SEMA5B: variants seen among roughly 807,000 people sequenced by gnomAD.
SEMA5B encodes semaphorin 5B, also known as semaphorin-5B.
Under a neutral mutation model 135.0 loss-of-function variants are expected in SEMA5B, and 66 were observed. That is an observed-to-expected ratio of 0.49 (90% confidence interval 0.40 to 0.60). SEMA5B has a LOEUF of 0.60. Among genes scored for constraint, SEMA5B ranks in the 20% least tolerant of loss-of-function variants. The probability of loss-of-function intolerance (pLI) is 0.00; values close to 1 mark genes in which losing one functional copy is unlikely to be tolerated. For synonymous variants in SEMA5B, 690 were observed against 639.5 expected (o/e 1.08, Z -1.19); for missense variants, 1,501 against 1,566.3 (o/e 0.96, Z 0.70).
At chr3:122,916,279 C>T (rs1368468943) in intron 12 of SEMA5B, among the ~76,000 whole-genome samples, 1 of 152,124 alleles carries the variant, frequency 6.6e-6, no homozygotes, top group African/African-American at 2.4e-5. Context: ...TAACAGGAAC[C>T]CAAAGAGGAA....
At chr3:122,978,381 C>G (rs979860634) in intron 1 of SEMA5B, among the ~76,000 whole-genome samples, 2 of 152,184 alleles carry the variant, frequency 1.3e-5, no homozygotes, top group Admixed American at 6.5e-5. Context: ...GCTGGGGAGG[C>G]GGGGCGTAGG....
chr3:122,942,742 C>G (rs1457954723), intron 4 of SEMA5B, among the ~76,000 whole-genome samples: 1 of 152,160 alleles, frequency 6.6e-6, no homozygotes, highest in African/African-American at 2.4e-5. Flanking sequence ...GTTTCTGACT[C>G]AAGAGGTCTG....
intron 1 of SEMA5B, among the ~76,000 whole-genome samples, chr3:122,966,554 A>ATTTTTTTTTTTTTTTTTTT (rs1335935235): frequency 2.7e-5 from 4 of 147,072 alleles, no homozygotes; most frequent in African/African-American, 1.0e-4. Context: ...TATTATTATT[A>ATTTTTTTTTTTTTTTTTTT]TTATTATTAT....
At chr3:122,915,084 G>A (rs1937995702) in intron 14 of SEMA5B, among the ~76,000 whole-genome samples, 1 of 152,156 alleles carries the variant, frequency 6.6e-6, no homozygotes, top group African/African-American at 2.4e-5. Context: ...CCAGACAGTG[G>A]CAATCCGGAA....
upstream of SEMA5B, chr3:123,028,427 C>A (rs1324739179): frequency 6.6e-6 from 1 of 152,294 alleles, no homozygotes; most frequent in Non-Finnish European, 1.5e-5. Flanking sequence ...CAGCTGTAAA[C>A]TGGGGTTAGT....
intron 1 of SEMA5B, among the ~76,000 whole-genome samples, chr3:122,962,750 GT>G (rs1390421518): frequency 1.3e-5 from 2 of 152,208 alleles, no homozygotes; most frequent in African/African-American, 4.8e-5. Context: ...CTTGCTTTCT[GT>G]GCTGGTGGTG....
intron 1 of SEMA5B, among the ~76,000 whole-genome samples, chr3:122,968,816 G>A (rs1268993513): frequency 6.8e-6 from 1 of 147,620 alleles, no homozygotes; most frequent in Non-Finnish European, 1.5e-5. Context: ...TCTGCCACAT[G>A]AGCCAACATT....
chr3:122,945,624 A>C (rs1446038122), intron 3 of SEMA5B, among the ~76,000 whole-genome samples: 3 of 152,108 alleles, frequency 2.0e-5, no homozygotes, highest in Non-Finnish European at 4.4e-5. Flanking sequence ...GGTGCTCCCT[A>C]ACAGCAGCAA....
intron 9 of SEMA5B, among the ~76,000 whole-genome samples, chr3:122,925,402 C>T (rs901712023): frequency 6.6e-6 from 1 of 152,046 alleles, no homozygotes; most frequent in Non-Finnish European, 1.5e-5. Flanking sequence ...GGCGTGGTGG[C>T]TCACACCTGT....
chr3:122,957,303 C>T (rs1940368150), intron 2 of SEMA5B, among the ~76,000 whole-genome samples: 1 of 152,216 alleles, frequency 6.6e-6, no homozygotes. Context: ...GCTGGTCTTG[C>T]ACCCAGAATG....
At chr3:122,970,433 A>G (rs1281789703) in intron 1 of SEMA5B, among the ~76,000 whole-genome samples, 1 of 152,182 alleles carries the variant, frequency 6.6e-6, no homozygotes, top group Non-Finnish European at 1.5e-5. Context: ...GTGGAGCCCA[A>G]GATTTTGCAA....
chr3:122,952,089 T>G (rs1940075405), intron 2 of SEMA5B, among the ~76,000 whole-genome samples: 1 of 152,156 alleles, frequency 6.6e-6, no homozygotes, highest in Non-Finnish European at 1.5e-5. Context: ...TTTGATCCCC[T>G]TATCCTCAGG....
At chr3:122,926,132 C>T (rs1032524781) in intron 9 of SEMA5B, among the ~76,000 whole-genome samples, 8 of 152,186 alleles carry the variant, frequency 5.3e-5, no homozygotes, top group South Asian at 2.1e-4. Flanking sequence ...CAGGCTTTTC[C>T]ACCTTCATCA....
At chr3:122,912,505 C>T (rs556539832) in intron 18 of SEMA5B, among the ~76,000 whole-genome samples, 163 bp from the exon 19 acceptor site, 1 of 152,078 alleles carries the variant, frequency 6.6e-6, no homozygotes, top group African/African-American at 2.4e-5. Flanking sequence ...AGTGCCCCCA[C>T]TCCATGCGGC....
chr3:122,927,249 C>A (rs78665934), intron 8 of SEMA5B, among the ~76,000 whole-genome samples: 3 of 152,126 alleles, frequency 2.0e-5, no homozygotes, highest in Non-Finnish European at 1.5e-5. Context: ...TTCAGGGATG[C>A]GATCATAGCT....
chr3:123,026,873 G>A (rs961104445), intron 1 of SEMA5B, among the ~76,000 whole-genome samples: 1 of 152,222 alleles, frequency 6.6e-6, no homozygotes, highest in Non-Finnish European at 1.5e-5. Context: ...AGCCTGGTGG[G>A]CAGAGTTCAC....
At chr3:123,004,589 T>C (rs73859407) in intron 1 of SEMA5B, among the ~76,000 whole-genome samples, 1,824 of 152,326 alleles carry the variant, frequency 0.012, 38 homozygotes, top group African/African-American at 0.04. Context: ...AAGAGGCCAA[T>C]CTAAAGTGTG....
intron 1 of SEMA5B, among the ~76,000 whole-genome samples, chr3:122,995,422 C>T (rs1576398449): frequency 6.6e-6 from 1 of 152,352 alleles, no homozygotes; most frequent in African/African-American, 2.4e-5. Context: ...CCTGGGATGA[C>T]AGGGTGGCCA....
At position 122,986,229 on chromosome 3, in the gene SEMA5B, A is replaced by G. The variant is rs564015366; in HGVS notation, c.-38-24928T>C. Among the ~76,000 whole-genome samples, 3 of 152,362 alleles carry G rather than the reference A, an allele frequency of 2.0e-5. No homozygotes were observed. In the South Asian group the frequency reaches 6.2e-4, roughly 32 times the overall value. On this transcript the variant is annotated intron_variant, in intron 1 of 22. Transcript: ENST00000357599. ...CTACTTATTAAAAAGTGTCAGAAGA[A>G]AGTGGATGCGAGACTTCTGAAAGGA... is the stretch of plus-strand genomic sequence containing the variant.
Sources: gnomAD v4.1 joint callset for allele counts (sites outside exome capture counted in the v4.1 genomes callset) on GRCh38, gnomAD v4.1.1 for gene constraint, MANE v1.5 for transcripts, NCBI Gene and HGNC (gene_info 2026-07-23, HGNC 2026-07-21) for gene names.